PRKAA2: variants seen among roughly 807,000 people sequenced by gnomAD.
PRKAA2 encodes the protein protein kinase AMP-activated catalytic subunit alpha 2.
A neutral mutation model predicts 56.3 loss-of-function variants in PRKAA2; 40 were observed. The observed-to-expected ratio is 0.71, with a 90% CI of 0.55 to 0.92. The LOEUF is 0.92. Among genes scored for constraint, PRKAA2 ranks in the 40% least tolerant of loss-of-function variants. The pLI is 0.00. For missense variants in PRKAA2, 542 were observed against 686.9 expected (o/e 0.79, Z 2.36); for synonymous variants, 214 against 234.2 (o/e 0.91, Z 0.79).
At chr1:56,665,223 A>G (rs1162582992) in intron 1 of PRKAA2, among the ~76,000 whole-genome samples, 1 of 151,670 alleles carries the variant, frequency 6.6e-6, no homozygotes, top group Admixed American at 6.6e-5. Context: ...ACAGGTGCCC[A>G]CCGCCACACC....
chr1:56,680,587 C>A (rs979857491), intron 2 of PRKAA2, among the ~76,000 whole-genome samples: 1 of 152,050 alleles, frequency 6.6e-6, no homozygotes, highest in Admixed American at 6.6e-5. Flanking sequence ...CAATTCCCAC[C>A]TATGAGTGAG....
At position 56,704,312 on chromosome 1, in the gene PRKAA2, G is replaced by A. The variant is rs1159611433; in HGVS notation, c.1130G>A (p.Ser377Asn). Residue 377 changes from serine (S) to asparagine (N), a missense_variant, in exon 7 of 9, where the codon AGC becomes AAC. Physicochemically the swap from Ser to Asn is conservative, Grantham distance 46 (BLOSUM62 1). Coordinates refer to ENST00000371244, the MANE Select transcript of PRKAA2 (RefSeq NM_006252.4). ...PERMPPLIAD[S>N]PKARCPLDAL... is the part of the protein sequence containing the mutation. ...AGGATGCCACCTCTTATAGCAGACAGCCCCAAAGCAAGATGTCCATTGGAT... is the reference window on the plus strand; with the variant it reads ...AGGATGCCACCTCTTATAGCAGACAACCCCAAAGCAAGATGTCCATTGGAT... The A allele has an allele frequency of 3.1e-6, 5 of 1,614,112 alleles. No homozygotes were observed. The highest frequency in any genetic ancestry group is 3.4e-6 in the Non-Finnish European group (4 of 1,180,020).
intron 1 of PRKAA2, among the ~76,000 whole-genome samples, chr1:56,653,272 A>T (rs926496881): frequency 4.0e-5 from 6 of 149,592 alleles, no homozygotes; most frequent in African/African-American, 7.3e-5. Context: ...AGATATATAT[A>T]ATATATATAT....
At chr1:56,696,395 A>G (rs1029448082) in intron 6 of PRKAA2, among the ~76,000 whole-genome samples, 10 of 151,936 alleles carry the variant, frequency 6.6e-5, no homozygotes, top group Non-Finnish European at 1.3e-4. Context: ...TTTTGACCTG[A>G]TAGACTTCCA....
At chr1:56,668,881 C>T (rs926514449) in intron 1 of PRKAA2, among the ~76,000 whole-genome samples, 3 of 152,152 alleles carry the variant, frequency 2.0e-5, no homozygotes, top group African/African-American at 7.2e-5. Flanking sequence ...CTGTATAACA[C>T]AGCTATGTGA....
intron 5 of PRKAA2, 84 bp from the exon 6 acceptor site, chr1:56,695,851 T>C: frequency 8.8e-7 from 1 of 1,139,410 alleles, no homozygotes; most frequent in Non-Finnish European, 1.3e-6. Context: ...GTACTGAATG[T>C]AGACTACCTA....
At position 56,645,340 on chromosome 1, in the gene PRKAA2, C is replaced by G; in HGVS notation, c.-48C>G. On this transcript the variant is annotated 5_prime_UTR_variant, in exon 1 of 9. Coordinates refer to ENST00000371244, the MANE Select transcript of PRKAA2 (RefSeq NM_006252.4). ...CACTGTGGGTAGGCGGCGGCGGCGG[C>G]GGCTACGCGGAGCGGCAGGCGGTGG... 1 of 1,403,484 alleles carries G rather than the reference C, an allele frequency of 7.1e-7. No homozygotes were observed. Among genetic ancestry groups the G allele is most frequent in the Non-Finnish European group, 9.4e-7 (1 of 1,061,510 alleles). 86.9% of individuals were successfully genotyped at this position (1,403,484 alleles called of 1,614,324 possible).
intron 6 of PRKAA2, 61 bp from the exon 7 acceptor site, chr1:56,703,910 C>G: frequency 6.7e-7 from 1 of 1,485,646 alleles, no homozygotes; most frequent in Admixed American, 2.0e-5. Context: ...TGCCCTATGT[C>G]TAAATTATTT....
chr1:56,696,212 G>C, intron 6 of PRKAA2, 53 bp downstream of exon 6: 5 of 1,497,130 alleles, frequency 3.3e-6, no homozygotes, highest in Non-Finnish European at 4.6e-6. Context: ...GAATAATAAT[G>C]TTAATTAAAT....
At chr1:56,661,829 A>T (rs1036557839) in intron 1 of PRKAA2, among the ~76,000 whole-genome samples, 3 of 151,910 alleles carry the variant, frequency 2.0e-5, no homozygotes, top group African/African-American at 7.2e-5. Context: ...GTTGTTTGAG[A>T]TGCAATACTT....
intron 2 of PRKAA2, among the ~76,000 whole-genome samples, chr1:56,684,466 C>T (rs1265849320): frequency 1.3e-5 from 2 of 151,860 alleles, no homozygotes; most frequent in Non-Finnish European, 2.9e-5. Context: ...AACAAGAAGT[C>T]CAAGGACTGG....
Position 56,655,280 on chromosome 1 carries a change from A to ATATATATATATTTTTTTTT in PRKAA2, c.94+9800_94+9801insATATATATATTTTTTTTTT. Among the ~76,000 whole-genome samples the ATATATATATATTTTTTTTT allele has an allele frequency of 4.4e-4, 41 of 93,632 alleles. 1 individual carries two copies. The South Asian group carries it at 0.011, about 24-fold the overall frequency. 61.4% of individuals were successfully genotyped at this position (93,632 alleles called of 152,430 possible). A position where few individuals can be genotyped will look rare whatever the true frequency, so the allele number is the denominator to read the frequency against. ...TGTATTTATATATCTATATATATATATTTTTTTTTTTTTTTTGTAGAGACA... is the reference window on the plus strand; with the variant it reads ...TGTATTTATATATCTATATATATATATATATATATATTTTTTTTTTTTTTTTTTTTTTTTTGTAGAGACA... On this transcript the variant is annotated intron_variant, in intron 1 of 8. Coordinates refer to ENST00000371244, the MANE Select transcript of PRKAA2 (RefSeq NM_006252.4).
intron 8 of PRKAA2, 23 bp from the exon 9 acceptor site, chr1:56,707,452 T>G: frequency 6.3e-7 from 1 of 1,584,812 alleles, no homozygotes; most frequent in South Asian, 1.1e-5. Context: ...CCATATAAAT[T>G]GCTCTTCTTT....
At chr1:56,703,830 A>G in intron 6 of PRKAA2, 141 bp from the exon 7 acceptor site, 3 of 880,600 alleles carry the variant, frequency 3.4e-6, no homozygotes, top group Non-Finnish European at 5.1e-6. Flanking sequence ...TAACTTGCTC[A>G]GGATCACATA....
At chr1:56,655,280 A>ATATATATATATATATATTTTTTT in intron 1 of PRKAA2, among the ~76,000 whole-genome samples, 1 of 93,678 alleles carries the variant, frequency 1.1e-5, no homozygotes, top group African/African-American at 4.5e-5. Context: ...ATATATATAT[A>ATATATATATATATATATTTTTTT]TTTTTTTTTT....
At chr1:56,671,586 T>G (rs1644077385) in intron 1 of PRKAA2, 1 of 152,366 alleles carries the variant, frequency 6.6e-6, no homozygotes, top group Middle Eastern at 3.4e-3. Flanking sequence ...CAAGCTTCAT[T>G]AAATTTTTTG....
Position 56,709,535 on chromosome 1 carries a change from CTG to C in PRKAA2, c.*1826_*1827del, listed in dbSNP as rs2100443858. ...ATTTGTATAGTGATAAGCAGTCCTGCTGTGTTAGCCTGGTCCATTATAGATAT... is the reference window on the plus strand; with the variant it reads ...ATTTGTATAGTGATAAGCAGTCCTGCTGTTAGCCTGGTCCATTATAGATAT... On this transcript the variant is annotated 3_prime_UTR_variant, in exon 9 of 9. Coordinates refer to ENST00000371244, the MANE Select transcript of PRKAA2 (RefSeq NM_006252.4). 6.6e-6 allele frequency: 1 copy of C among 152,218 alleles called. No individual in the cohort carries two copies. Among genetic ancestry groups the C allele is most frequent in the African/African-American group, 2.4e-5 (1 of 41,554 alleles). 9.4% of individuals were successfully genotyped at this position (152,218 alleles called of 1,614,324 possible). A position where few individuals can be genotyped will look rare whatever the true frequency, so the allele number is the denominator to read the frequency against.
At chr1:56,647,820 A>T (rs2100373664) in intron 1 of PRKAA2, among the ~76,000 whole-genome samples, 1 of 151,954 alleles carries the variant, frequency 6.6e-6, no homozygotes, top group African/African-American at 2.4e-5. Flanking sequence ...AATTGAGGTC[A>T]GGAGTTTGAG....
intron 1 of PRKAA2, among the ~76,000 whole-genome samples, chr1:56,650,594 C>T (rs1485063356): frequency 2.6e-5 from 4 of 152,012 alleles, no homozygotes; most frequent in African/African-American, 9.7e-5. Flanking sequence ...TAAAAAGAAG[C>T]CTGCATTTTC....
Sources: gnomAD v4.1 joint callset for allele counts (sites outside exome capture counted in the v4.1 genomes callset) on GRCh38, gnomAD v4.1.1 for gene constraint, MANE v1.5 for transcripts, NCBI Gene and HGNC (gene_info 2026-07-23, HGNC 2026-07-21) for gene names.